Variants in FGF12 observed in about 807,000 individuals in gnomAD.
FGF12 encodes fibroblast growth factor 12B.
A neutral mutation model predicts 23.6 loss-of-function variants in FGF12; 14 were observed. The observed-to-expected ratio is 0.59, with a 90% CI of 0.39 to 0.93. The LOEUF is 0.93. Among genes scored for constraint, FGF12 ranks in the 40% least tolerant of loss-of-function variants. FGF12 has a pLI of 0.00. For synonymous variants in FGF12, 62 were observed against 77.3 expected, an observed-to-expected ratio of 0.80 and a Z score of 1.04; for missense variants, 175 against 217.8, an observed-to-expected ratio of 0.80 and a Z score of 1.24.
chr3:192,654,488 A>G (rs547643150), intron 2 of FGF12, among the ~76,000 whole-genome samples: 1 of 152,358 alleles, frequency 6.6e-6, no homozygotes, highest in Admixed American at 6.5e-5. Context: ...TTTCTACAAG[A>G]TATTTTATTT....
chr3:192,584,601 T>C (rs1001698808), intron 2 of FGF12, among the ~76,000 whole-genome samples: 2 of 152,072 alleles, frequency 1.3e-5, no homozygotes, highest in African/African-American at 4.8e-5. Context: ...GTCAGCCACA[T>C]TTTCTATATT....
At chr3:192,224,772 C>G (rs1718647543) in intron 4 of FGF12, among the ~76,000 whole-genome samples, 1 of 152,066 alleles carries the variant, frequency 6.6e-6, no homozygotes. Flanking sequence ...AAACTCGAAA[C>G]TGAATGTTCT....
intron 2 of FGF12, among the ~76,000 whole-genome samples, chr3:192,542,617 CT>C (rs936776806): frequency 6.7e-5 from 10 of 149,586 alleles, no homozygotes; most frequent in East Asian, 2.0e-4. Context: ...TCTTCACAGT[CT>C]TTTTTTTTTC....
chr3:192,619,289 C>T (rs761320271), intron 2 of FGF12, among the ~76,000 whole-genome samples: 31 of 151,892 alleles, frequency 2.0e-4, no homozygotes, highest in Non-Finnish European at 4.3e-4. Flanking sequence ...TGAGCTGGGC[C>T]TCAAAGAAGG....
intron 2 of FGF12, among the ~76,000 whole-genome samples, chr3:192,487,383 C>T (rs752128549): frequency 2.0e-5 from 3 of 152,000 alleles, no homozygotes; most frequent in African/African-American, 4.8e-5. Flanking sequence ...TGACTTTGTC[C>T]GTTGTTTCTC....
Position 192,613,316 on chromosome 3 carries a change from C to A in FGF12, c.13+113865G>T, listed in dbSNP as rs142230939. Among the ~76,000 whole-genome samples the A allele has an allele frequency of 3.3e-5, 5 of 151,892 alleles. No homozygotes were observed. The East Asian group carries it at 9.7e-4, about 29-fold the overall frequency. Reference sequence around the variant, plus strand: ...TTTATGAGCATTTTTATAGGAATTGCTTTTATGATAGAGGAAATTGTAACA... The same window carrying A: ...TTTATGAGCATTTTTATAGGAATTGATTTTATGATAGAGGAAATTGTAACA... On this transcript the variant is annotated intron_variant, in intron 2 of 5. Transcript: ENST00000445105.
At chr3:192,355,868 G>T (rs750254592) in intron 3 of FGF12, among the ~76,000 whole-genome samples, 2 of 152,090 alleles carry the variant, frequency 1.3e-5, no homozygotes, top group African/African-American at 4.8e-5. Flanking sequence ...TTTTGTTTTC[G>T]TCGTGTTCAG....
At chr3:192,223,344 T>C (rs1025252301) in intron 4 of FGF12, among the ~76,000 whole-genome samples, 2 of 152,160 alleles carry the variant, frequency 1.3e-5, no homozygotes, top group Non-Finnish European at 2.9e-5. Flanking sequence ...ACATTTGAGT[T>C]TTTCTTCCTC....
At chr3:192,195,831 A>AT (rs1717041272) in intron 4 of FGF12, among the ~76,000 whole-genome samples, 1 of 152,212 alleles carries the variant, frequency 6.6e-6, no homozygotes, top group Non-Finnish European at 1.5e-5. Flanking sequence ...TAAGTAACAA[A>AT]TGTATTACCT....
At chr3:192,381,478 C>T (rs984046390) in intron 2 of FGF12, among the ~76,000 whole-genome samples, 3 of 152,104 alleles carry the variant, frequency 2.0e-5, no homozygotes, top group Non-Finnish European at 4.4e-5. Context: ...CTAGTGTCCT[C>T]GTGAAATTGA....
intron 2 of FGF12, among the ~76,000 whole-genome samples, chr3:192,700,509 T>C (rs759212592): frequency 2.0e-5 from 3 of 152,196 alleles, no homozygotes; most frequent in Non-Finnish European, 4.4e-5. Flanking sequence ...AAGCAATAAC[T>C]CTGACCACCA....
intron 2 of FGF12, among the ~76,000 whole-genome samples, chr3:192,373,478 A>G (rs1185696995): frequency 1.3e-5 from 2 of 152,220 alleles, no homozygotes; most frequent in Non-Finnish European, 2.9e-5. Context: ...CATTTTTAAT[A>G]GATATATCTT....
intron 4 of FGF12, among the ~76,000 whole-genome samples, chr3:192,179,095 A>G (rs1334828892): frequency 1.3e-5 from 2 of 152,324 alleles, no homozygotes; most frequent in Middle Eastern, 3.4e-3. Flanking sequence ...AAATCAAGCA[A>G]GAGAAATATT....
At chr3:192,567,081 G>C (rs1422978096) in intron 2 of FGF12, among the ~76,000 whole-genome samples, 1 of 152,168 alleles carries the variant, frequency 6.6e-6, no homozygotes, top group African/African-American at 2.4e-5. Flanking sequence ...CCACCACTCT[G>C]AGAAGTCAAC....
intron 4 of FGF12, among the ~76,000 whole-genome samples, chr3:192,270,811 G>A (rs181856394): frequency 6.9e-6 from 1 of 144,302 alleles, no homozygotes; most frequent in Non-Finnish European, 1.5e-5. Context: ...AAGGAAGGAA[G>A]GAAGGAAAGA....
chr3:192,294,069 C>T (rs1577326990), intron 4 of FGF12, among the ~76,000 whole-genome samples: 1 of 152,134 alleles, frequency 6.6e-6, no homozygotes, highest in African/African-American at 2.4e-5. Flanking sequence ...CTCATGAGAT[C>T]TGATGGTTTT....
chr3:192,571,366 G>A (rs2108605354), intron 2 of FGF12, among the ~76,000 whole-genome samples: 1 of 152,256 alleles, frequency 6.6e-6, no homozygotes, highest in Middle Eastern at 3.4e-3. Context: ...CTGATCATAT[G>A]CCTGTTATCC....
intron 5 of FGF12, among the ~76,000 whole-genome samples, chr3:192,163,830 T>A (rs201327446): frequency 2.2e-5 from 2 of 89,052 alleles, no homozygotes; most frequent in Admixed American, 1.2e-4. Flanking sequence ...TGTGTGTGAG[T>A]GTGTGTGTGT....
chr3:192,569,858 G>A (rs145441329), intron 2 of FGF12, among the ~76,000 whole-genome samples: 29 of 152,280 alleles, frequency 1.9e-4, no homozygotes, highest in African/African-American at 6.0e-4. Flanking sequence ...GGGAAAACAC[G>A]ACTCATATTT....
Sources: gnomAD v4.1 joint callset for allele counts (sites outside exome capture counted in the v4.1 genomes callset) on GRCh38, gnomAD v4.1.1 for gene constraint, MANE v1.5 for transcripts, NCBI Gene and HGNC (gene_info 2026-07-23, HGNC 2026-07-21) for gene names.